Variants in ATRNL1 observed in about 807,000 individuals in gnomAD.
ATRNL1 encodes the protein attractin-like protein 1.
A neutral mutation model predicts 182.7 loss-of-function variants in ATRNL1; 95 were observed. That is an observed-to-expected ratio of 0.52 (90% confidence interval 0.44 to 0.62). The LOEUF is 0.62. Ranked by LOEUF, ATRNL1 falls within the 20% of genes least tolerant of loss-of-function variation. ATRNL1 has a pLI of 0.00. For missense variants in ATRNL1, 1,471 were observed against 1,679.5 expected, an observed-to-expected ratio of 0.88 and a Z score of 2.17; for synonymous variants, 576 against 568.3, an observed-to-expected ratio of 1.01 and a Z score of -0.19.
chr10:115,498,291 A>G (rs1849651066), intron 24 of ATRNL1, among the ~76,000 whole-genome samples: 1 of 152,134 alleles, frequency 6.6e-6, no homozygotes, highest in Non-Finnish European at 1.5e-5. Flanking sequence ...TAAAGTTACA[A>G]ATAAATTCCT....
intron 4 of ATRNL1, 132 bp downstream of exon 4, chr10:115,127,853 G>T (rs559053060): frequency 5.5e-4 from 307 of 560,180 alleles, no homozygotes; most frequent in African/African-American, 3.8e-3. Flanking sequence ...AAATTAGTAG[G>T]CAGGATCCCT....
intron 24 of ATRNL1, among the ~76,000 whole-genome samples, chr10:115,479,993 A>G (rs1848693503): frequency 6.6e-6 from 1 of 151,308 alleles, no homozygotes; most frequent in African/African-American, 2.4e-5. Flanking sequence ...CTGCAAAGTG[A>G]TGTCATAATT....
chr10:115,782,348 A>G (rs1455751677), intron 27 of ATRNL1, among the ~76,000 whole-genome samples: 2 of 152,246 alleles, frequency 1.3e-5, no homozygotes, highest in Admixed American at 1.3e-4. Flanking sequence ...ACAGGGCAAA[A>G]TGAAATTGAA....
chr10:115,532,485 G>A (rs1417532168), intron 25 of ATRNL1, among the ~76,000 whole-genome samples: 3 of 152,102 alleles, frequency 2.0e-5, no homozygotes, highest in East Asian at 1.9e-4. Flanking sequence ...TGTATCCTGA[G>A]ACTTTGCTGA....
At chr10:115,132,647 A>G (rs1192131029) in intron 5 of ATRNL1, among the ~76,000 whole-genome samples, 1 of 152,014 alleles carries the variant, frequency 6.6e-6, no homozygotes, top group Non-Finnish European at 1.5e-5. Context: ...ATGGTATCTC[A>G]TTGTGGTTTT....
intron 27 of ATRNL1, among the ~76,000 whole-genome samples, chr10:115,816,707 A>G (rs1950174166): frequency 6.6e-6 from 1 of 151,916 alleles, no homozygotes; most frequent in South Asian, 2.1e-4. Flanking sequence ...CTATTTTCCT[A>G]TTTTTTAGCA....
At chr10:115,536,455 C>T (rs1554990396) in intron 25 of ATRNL1, among the ~76,000 whole-genome samples, 1 of 152,190 alleles carries the variant, frequency 6.6e-6, no homozygotes, top group Non-Finnish European at 1.5e-5. Flanking sequence ...ATTTTTTAAG[C>T]CCGTCGGAAA....
intron 25 of ATRNL1, among the ~76,000 whole-genome samples, chr10:115,527,988 CCCTCCCTCCCTT>C (rs1448037716): frequency 3.5e-4 from 10 of 28,700 alleles, no homozygotes; most frequent in African/African-American, 7.5e-4. Context: ...CTCCCTCCCT[CCCTCCCTCCCTT>C]CCTTCCTTCC....
chr10:115,470,582 G>A (rs1174511322), intron 24 of ATRNL1, among the ~76,000 whole-genome samples: 2 of 150,192 alleles, frequency 1.3e-5, no homozygotes, highest in Non-Finnish European at 3.0e-5. Flanking sequence ...ATTTTAAATT[G>A]CTTCCTATCC....
chr10:115,107,988 C>T (rs1370246727), intron 1 of ATRNL1, among the ~76,000 whole-genome samples: 2 of 152,154 alleles, frequency 1.3e-5, no homozygotes, highest in East Asian at 3.9e-4. Context: ...TCTGAAATGC[C>T]TTCAAGATCT....
chr10:115,345,492 G>A (rs560674744), intron 19 of ATRNL1, among the ~76,000 whole-genome samples: 2 of 152,310 alleles, frequency 1.3e-5, no homozygotes, highest in East Asian at 1.9e-4. Context: ...GAGGGCTGAT[G>A]TTGGCAATTG....
intron 27 of ATRNL1, among the ~76,000 whole-genome samples, chr10:115,740,585 A>G (rs1274752697): frequency 2.0e-5 from 3 of 152,052 alleles, no homozygotes; most frequent in African/African-American, 7.2e-5. Context: ...GGCTCACTGC[A>G]ACCTCCACCT....
Position 115,946,606 on chromosome 10 carries a change from T to C in ATRNL1, c.*1827T>C, listed in dbSNP as rs1435079493. On this transcript the variant is annotated 3_prime_UTR_variant, in exon 29 of 29. Transcript: ENST00000355044. ...TTTTATCTATAATCTGTGGGGTTTTTTTGGAGGGGGAGGCCACTGGTTGTT... is the reference window on the plus strand; with the variant it reads ...TTTTATCTATAATCTGTGGGGTTTTCTTGGAGGGGGAGGCCACTGGTTGTT... The C allele has an allele frequency of 2.0e-5, 3 of 152,170 alleles. No homozygotes were observed. Among genetic ancestry groups the C allele is most frequent in the African/African-American group, 7.2e-5 (3 of 41,450 alleles). The allele number at this position is 152,170 out of a possible 1,614,324, so 9.4% of individuals were successfully genotyped here.
chr10:115,218,625 C>A (rs900835959), intron 9 of ATRNL1, among the ~76,000 whole-genome samples: 1 of 152,166 alleles, frequency 6.6e-6, no homozygotes, highest in Admixed American at 6.5e-5. Context: ...AGAAAAAAAT[C>A]TCTTCTAATG....
chr10:115,741,939 A>G (rs1378551901), intron 27 of ATRNL1, among the ~76,000 whole-genome samples: 1 of 152,186 alleles, frequency 6.6e-6, no homozygotes, highest in Admixed American at 6.5e-5. Flanking sequence ...TTTTAGAACT[A>G]TTAGAATTAA....
intron 27 of ATRNL1, among the ~76,000 whole-genome samples, chr10:115,824,191 T>C (rs1338818548): frequency 6.6e-6 from 1 of 152,176 alleles, no homozygotes; most frequent in Admixed American, 6.5e-5. Flanking sequence ...GATTCCCTAT[T>C]TAATAAATGT....
At chr10:115,830,676 TG>T (rs1472880319) in intron 27 of ATRNL1, among the ~76,000 whole-genome samples, 1 of 152,178 alleles carries the variant, frequency 6.6e-6, no homozygotes, top group East Asian at 1.9e-4. Context: ...TGAGTGTTTT[TG>T]CACTGTTGGT....
At chr10:115,341,703 T>C (rs183305951) in intron 19 of ATRNL1, among the ~76,000 whole-genome samples, 24 of 152,252 alleles carry the variant, frequency 1.6e-4, no homozygotes, top group Admixed American at 3.3e-4. Flanking sequence ...CATTGTTGGG[T>C]GTATACATAT....
chr10:115,542,474 A>G (rs1003065282), intron 25 of ATRNL1, among the ~76,000 whole-genome samples: 9 of 152,004 alleles, frequency 5.9e-5, no homozygotes, highest in African/African-American at 2.2e-4. Flanking sequence ...TTGCATCGTC[A>G]ATGTTTGGTA....
Sources: gnomAD v4.1 joint callset for allele counts (sites outside exome capture counted in the v4.1 genomes callset) on GRCh38, gnomAD v4.1.1 for gene constraint, MANE v1.5 for transcripts, NCBI Gene and HGNC (gene_info 2026-07-23, HGNC 2026-07-21) for gene names.